Variants in ATAD2 observed in about 807,000 individuals in gnomAD.
The protein encoded by ATAD2 is ATPase family AAA domain containing 2, also known as ATPase family AAA domain-containing protein 2.
A neutral mutation model predicts 168.9 loss-of-function variants in ATAD2; 62 were observed. The ratio of observed to expected loss-of-function variants is 0.37; its 90% confidence interval spans 0.30 to 0.45. ATAD2 has a LOEUF of 0.45. Among genes scored for constraint, ATAD2 ranks in the 20% least tolerant of loss-of-function variants. The pLI is 1.00. For synonymous variants in ATAD2, 613 were observed against 571.6 expected, an observed-to-expected ratio of 1.07 and a Z score of -1.03; for missense variants, 1,419 against 1,667.8, an observed-to-expected ratio of 0.85 and a Z score of 2.60.
chr8:123,370,799 A>G, intron 6 of ATAD2, 104 bp downstream of exon 6: 1 of 779,244 alleles, frequency 1.3e-6, no homozygotes, highest in East Asian at 2.9e-5. Context: ...GATCTCTCAC[A>G]AACTACCATA....
intron 2 of ATAD2, among the ~76,000 whole-genome samples, chr8:123,378,778 T>C: frequency 6.7e-6 from 1 of 149,510 alleles, no homozygotes; most frequent in Admixed American, 6.7e-5. Context: ...TCATTACAAA[T>C]TGTTTATTTA....
intron 1 of ATAD2, among the ~76,000 whole-genome samples, chr8:123,403,764 C>T (rs6470146): frequency 0.71 from 107,219 of 152,078 alleles, 38,274 homozygotes; most frequent in East Asian, 0.97. Context: ...GAGAAGATGG[C>T]GGCCTGGACT....
chr8:123,328,927 G>C (rs1295553912), intron 24 of ATAD2, among the ~76,000 whole-genome samples: 1 of 151,162 alleles, frequency 6.6e-6, no homozygotes, highest in Non-Finnish European at 1.5e-5. Context: ...CAGCCTCTCC[G>C]AGCAGCTGGG....
chr8:123,391,320 G>A (rs187063227), intron 1 of ATAD2, among the ~76,000 whole-genome samples: 6 of 150,888 alleles, frequency 4.0e-5, no homozygotes, highest in African/African-American at 1.5e-4. Flanking sequence ...AATATTCAGG[G>A]AACCCATACA....
chr8:123,370,121 A>G, intron 6 of ATAD2, 97 bp from the exon 7 acceptor site: 7 of 1,143,926 alleles, frequency 6.1e-6, no homozygotes, highest in Non-Finnish European at 7.4e-6. Context: ...CACCCTTTTA[A>G]AACTTATCTA....
At chr8:123,353,238 C>G (rs1828530303) in intron 13 of ATAD2, among the ~76,000 whole-genome samples, 2 of 152,008 alleles carry the variant, frequency 1.3e-5, no homozygotes, top group South Asian at 4.1e-4. Context: ...GTGGCACATG[C>G]CTGTAATCCC....
intron 27 of ATAD2, 132 bp downstream of exon 27, chr8:123,322,806 T>C (rs919486576): frequency 1.4e-5 from 13 of 914,128 alleles, no homozygotes; most frequent in African/African-American, 5.1e-5. Flanking sequence ...ACTTTGGAAA[T>C]AGAAAGATGG....
At chr8:123,395,172 C>T (rs1273975389) in intron 1 of ATAD2, among the ~76,000 whole-genome samples, 1 of 152,164 alleles carries the variant, frequency 6.6e-6, no homozygotes, top group African/African-American at 2.4e-5. Flanking sequence ...TCCATGCCTA[C>T]CCTCACTCAC....
chr8:123,369,679 G>A, intron 7 of ATAD2, 142 bp downstream of exon 7: 4 of 679,736 alleles, frequency 5.9e-6, no homozygotes, highest in Non-Finnish European at 7.1e-6. Context: ...TACAAACTTA[G>A]GATAGGTAAA....
intron 1 of ATAD2, among the ~76,000 whole-genome samples, chr8:123,411,886 A>G (rs1236397394): frequency 6.6e-6 from 1 of 152,172 alleles, no homozygotes. Context: ...CTCAGTATGC[A>G]TTCTCCCCTT....
intron 13 of ATAD2, among the ~76,000 whole-genome samples, chr8:123,350,980 C>T (rs1421758886): frequency 6.6e-6 from 1 of 151,928 alleles, no homozygotes; most frequent in Non-Finnish European, 1.5e-5. Context: ...ATCTGCCCTG[C>T]CTGCCTAGGA....
intron 19 of ATAD2, 44 bp downstream of exon 19, chr8:123,344,840 C>A (rs1454350156): frequency 1.3e-6 from 2 of 1,580,974 alleles, no homozygotes; most frequent in South Asian, 2.2e-5. Flanking sequence ...GTGGTAGAAA[C>A]AACTCTTTTT....
chr8:123,383,617 C>CA (rs778682464), intron 1 of ATAD2, among the ~76,000 whole-genome samples: 4 of 151,646 alleles, frequency 2.6e-5, no homozygotes, highest in African/African-American at 9.7e-5. Context: ...ACTAAAAATA[C>CA]AAAAAATCAG....
In ATAD2 at chr8:123,347,343, C is replaced by T. The variant is rs1217927979; in HGVS notation, c.1961G>A (p.Arg654His). Residue 654 changes from arginine (R) to histidine (H), a missense_variant, in exon 16 of 28, where the codon CGC becomes CAC. Around this residue, in one of 5 missense-constraint regions of ATAD2, gnomAD observed 545 missense variants for 724.9 expected, o/e 0.75. Transcript: ENST00000287394. Reference protein sequence around the residue: ...AEAALCALRRRYPQIYTTSEK... With the variant: ...AEAALCALRRHYPQIYTTSEK... ...ACTAGTGGTATAGATCTGTGGGTAG[C>T]GTCGTCGTAAAGCACATAAAGCAGC... 11 of 1,613,610 alleles carry T rather than the reference C, an allele frequency of 6.8e-6. No homozygotes were observed. Among genetic ancestry groups the T allele is most frequent in the East Asian group, 2.2e-5 (1 of 44,866 alleles).
At position 123,369,933 on chromosome 8, in the gene ATAD2, A is replaced by T. The variant is rs200543112; in HGVS notation, c.819T>A (p.Asp273Glu). The change falls in exon 7 of 28, where the codon GAT becomes GAA. Residue 273 changes from aspartate to glutamate, a missense_variant. Around this residue, in one of 5 missense-constraint regions of ATAD2, gnomAD observed 419 missense variants for 423.5 expected, o/e 0.99. Transcript: ENST00000287394. ...EDDDDDDDDD[D>E]DDDDEDDEDE... ...CTTCATCATCTTCATCATCATCATC[A>T]TCATCATCATCGTCATCATCATCAT... 1.3e-4 allele frequency: 201 copies of T among 1,581,544 alleles called. No individual in the cohort carries two copies. The highest frequency in any genetic ancestry group is 1.6e-4 in the Non-Finnish European group (188 of 1,154,010).
At chr8:123,380,468 G>C in intron 2 of ATAD2, 61 bp downstream of exon 2, 1 of 1,558,530 alleles carries the variant, frequency 6.4e-7, no homozygotes, top group Non-Finnish European at 8.8e-7. Context: ...AAAAATTAAA[G>C]CAAATCCTAA....
Position 123,396,286 on chromosome 8 carries a change from C to G in ATAD2, c.72G>C (p.Leu24=). ...GCTCCAGACTGAGGAAGTCACTGGACAGGTCCAAGGAGCCCGTGGCCGAGG... is the reference window on the plus strand; with the variant it reads ...GCTCCAGACTGAGGAAGTCACTGGAGAGGTCCAAGGAGCCCGTGGCCGAGG... ...SAASATGSLD[L]SSDFLSLEHI... is the part of the protein sequence containing the mutation. The change falls in exon 1 of 28, where the codon CTG becomes CTC. Residue 24 remains leucine, a synonymous_variant. Coordinates refer to ENST00000287394, the MANE Select transcript of ATAD2 (RefSeq NM_014109.4). 6.2e-7 allele frequency: 1 copy of G among 1,611,490 alleles called. No homozygotes were observed. The highest frequency in any genetic ancestry group is 8.5e-7 in the Non-Finnish European group (1 of 1,179,608).
intron 11 of ATAD2, among the ~76,000 whole-genome samples, chr8:123,358,161 A>G (rs1053342155): frequency 2.0e-5 from 3 of 152,242 alleles, no homozygotes; most frequent in African/African-American, 7.2e-5. Flanking sequence ...TGTAAGAAGT[A>G]AATGTTATTT....
At chr8:123,333,365 G>A (rs1827829433) in intron 24 of ATAD2, among the ~76,000 whole-genome samples, 1 of 127,104 alleles carries the variant, frequency 7.9e-6, no homozygotes, top group African/African-American at 3.0e-5. Flanking sequence ...AGCCGAGATC[G>A]CACCACTGCA....
Sources: allele counts gnomAD v4.1 joint callset (sites outside exome capture counted in the v4.1 genomes callset), GRCh38; gene constraint gnomAD v4.1.1; regional missense constraint gnomAD v4.1.1; transcripts MANE v1.5; gene names NCBI Gene and HGNC (gene_info 2026-07-23, HGNC 2026-07-21).